Variants in ATRIP observed in about 807,000 individuals in gnomAD.
ATRIP encodes the protein ATR interacting protein.
Under a neutral mutation model 78.1 loss-of-function variants are expected in ATRIP, and 44 were observed. That is an observed-to-expected ratio of 0.56 (90% CI 0.44 to 0.72). The LOEUF is 0.72. Ranked by LOEUF, ATRIP falls within the 30% of genes least tolerant of loss-of-function variation. The pLI is 0.00. For missense variants in ATRIP, 927 were observed against 980.2 expected (o/e 0.95, Z 0.72); for synonymous variants, 388 against 408.9 (o/e 0.95, Z 0.62).
At chr3:48,447,388 C>G in intron 1 of ATRIP, 1 of 1,078,310 alleles carries the variant, frequency 9.3e-7, no homozygotes, top group Non-Finnish European at 1.1e-6. Flanking sequence ...CCTTGGAACA[C>G]ACCTACCACC....
At chr3:48,459,647 G>A (rs560531240) in intron 6 of ATRIP, 140 bp from the exon 7 acceptor site, 16 of 1,239,048 alleles carry the variant, frequency 1.3e-5, no homozygotes, top group East Asian at 4.6e-5. Context: ...AGAGCCTTCC[G>A]CACCCACAGG....
Position 48,465,773 on chromosome 3 carries a change from A to T in ATRIP, c.*219A>T. 1.9e-6 allele frequency: 1 copy of T among 525,264 alleles called. No individual in the cohort carries two copies. The highest frequency in any genetic ancestry group is 3.5e-6 in the Non-Finnish European group (1 of 289,158). The allele number at this position is 525,264 out of a possible 1,614,324, so 32.5% of individuals were successfully genotyped here. A position where few individuals can be genotyped will look rare whatever the true frequency, so the allele number is the denominator to read the frequency against. The stretch of plus-strand genomic sequence containing the variant: ...CCTGGCTGTTGCTGAGCCCGTCCCC[A>T]TGGTAACTGATCTGCCTTGAGGAAG... On this transcript the variant is annotated 3_prime_UTR_variant, in exon 13 of 13. Transcript: ENST00000320211.
intron 10 of ATRIP, 63 bp from the exon 11 acceptor site, chr3:48,464,519 G>A (rs1002379489): frequency 8.4e-6 from 13 of 1,544,364 alleles, no homozygotes; most frequent in Non-Finnish European, 1.2e-5. Context: ...AGAAGCTTAA[G>A]AAAACCCTCG....
At position 48,454,927 on chromosome 3, in the gene ATRIP, A is replaced by G. The variant is rs557073923; in HGVS notation, c.671+509A>G. On this transcript the variant is annotated intron_variant, in intron 4 of 12. Transcript: ENST00000320211. ...ACCCAGGCTGGAGTACAGTGGTACAATCTCGGCTCACTGCAACCTCCGCCT... is the reference window on the plus strand; with the variant it reads ...ACCCAGGCTGGAGTACAGTGGTACAGTCTCGGCTCACTGCAACCTCCGCCT... 2.6e-5 allele frequency among the ~76,000 whole-genome samples: 4 copies of G among 151,748 alleles called. No individual in the cohort carries two copies. The East Asian group carries it at 5.8e-4, about 22-fold the overall frequency.
chr3:48,446,805 T>G lies in ATRIP; in HGVS notation c.-41T>G, dbSNP rs748138008. 1.4e-5 allele frequency: 19 copies of G among 1,374,384 alleles called. No homozygotes were observed. The highest frequency in any genetic ancestry group is 2.9e-4 in the Middle Eastern group (1 of 3,488). The allele number at this position is 1,374,384 out of a possible 1,614,324, so 85.1% of individuals were successfully genotyped here. On this transcript the variant is annotated 5_prime_UTR_variant, in exon 1 of 13. Transcript: ENST00000320211. ...GTTCTCCGGCCTGGCGGCAGGCAAGTCTAGCTCGGCGCTGTCGGATACTTG... is the reference window on the plus strand; with the variant it reads ...GTTCTCCGGCCTGGCGGCAGGCAAGGCTAGCTCGGCGCTGTCGGATACTTG...
chr3:48,451,924 C>A (rs766688944), intron 3 of ATRIP, 25 bp downstream of exon 3: 2 of 1,568,152 alleles, frequency 1.3e-6, no homozygotes, highest in Non-Finnish European at 1.7e-6. Context: ...TTGTTTTGCA[C>A]CAGCTTTGCC....
intron 4 of ATRIP, among the ~76,000 whole-genome samples, chr3:48,456,595 C>G (rs1419851191): frequency 2.1e-5 from 3 of 142,300 alleles, no homozygotes; most frequent in Non-Finnish European, 3.1e-5. Flanking sequence ...GAGACCCTGT[C>G]TCACCAAAAA....
chr3:48,460,610 A>T lies in ATRIP; in HGVS notation c.1556A>T (p.Asp519Val), dbSNP rs1181968001. The part of the protein sequence containing the change: ...GNRSLVHRLS[D>V]GDMTSALRGV... ...AGGAGCCTGGTTCACAGGCTTAGTG[A>T]TGGAGATATGACCTCAGCCCTAAGG... Residue 519 changes from aspartate (D) to valine (V), a missense_variant, in exon 8 of 13, where the codon GAT becomes GTT. Transcript: ENST00000320211. 1.2e-6 allele frequency: 2 copies of T among 1,614,188 alleles called. No individual in the cohort carries two copies. Among genetic ancestry groups the T allele is most frequent in the East Asian group, 2.2e-5 (1 of 44,878 alleles).
intron 4 of ATRIP, among the ~76,000 whole-genome samples, chr3:48,455,987 G>A (rs1229398620): frequency 6.6e-6 from 1 of 152,052 alleles, no homozygotes; most frequent in East Asian, 2.0e-4. Context: ...TGGGCATGGT[G>A]GCATGCGCCT....
chr3:48,447,185 C>G, intron 1 of ATRIP, 93 bp downstream of exon 1: 3 of 1,324,800 alleles, frequency 2.3e-6, no homozygotes, highest in Non-Finnish European at 2.9e-6. Flanking sequence ...GCGGCCAGCA[C>G]TGCCTTTTCG....
In ATRIP at chr3:48,465,049, C is replaced by T. The variant is rs36041404; in HGVS notation, c.2274C>T (p.Leu758=). 2.6e-3 allele frequency: 4,274 copies of T among 1,613,116 alleles called. 97 individuals are homozygous for T. In the African/African-American group the frequency reaches 0.047, roughly 18 times the overall value. ...AGGTGATGCCGGGGGTCAGCATGCT[C>T]ATCCGAGGGCTTCCTGATGTGACGG... ...FDQVMPGVSM[L]IRGLPDVTDC... is the part of the protein sequence containing the mutation. The change falls in exon 12 of 13, where the codon CTC becomes CTT. Residue 758 remains leucine, a synonymous_variant. Transcript: ENST00000320211.
At chr3:48,453,410 C>T (rs2039881089) in intron 3 of ATRIP, among the ~76,000 whole-genome samples, 1 of 152,170 alleles carries the variant, frequency 6.6e-6, no homozygotes, top group Non-Finnish European at 1.5e-5. Flanking sequence ...AAGGAATTTG[C>T]GGTCAGACAA....
In ATRIP at chr3:48,460,366, G is replaced by T. The variant is rs775066454; in HGVS notation, c.1312G>T (p.Ala438Ser). The T allele has an allele frequency of 6.2e-7, 1 of 1,613,478 alleles. No homozygotes were observed. The highest frequency in any genetic ancestry group is 8.5e-7 in the Non-Finnish European group (1 of 1,179,672). ...ACACTGCCAGGCCCTGCAGGACTTG[G>T]CAGCTGCTAAGAGAAGCGGAGCACC... ...GLHCQALQDLAAAKRSGAPGD... is the reference protein window; with the variant it reads ...GLHCQALQDLSAAKRSGAPGD... The change falls in exon 8 of 13, where the codon GCA becomes TCA. Residue 438 changes from alanine (A) to serine (S), a missense_variant. Coordinates refer to ENST00000320211, the MANE Select transcript of ATRIP (RefSeq NM_130384.3).
Position 48,460,203 on chromosome 3 carries a change from C to G in ATRIP, c.1149C>G (p.Phe383Leu). The G allele has an allele frequency of 1.2e-6, 2 of 1,614,154 alleles. No individual in the cohort carries two copies. Among genetic ancestry groups the G allele is most frequent in the South Asian group, 2.2e-5 (2 of 91,084 alleles). The stretch of plus-strand genomic sequence containing the variant: ...TGAGAGAAGCACAGAACCTGGCATT[C>G]ACTGGACTGAATCTGGTTGCCCGGA... ...SALREAQNLAFTGLNLVARNE... is the reference protein window; with the variant it reads ...SALREAQNLALTGLNLVARNE... The change falls in exon 8 of 13, where the codon TTC becomes TTG. Residue 383 changes from phenylalanine to leucine, a missense_variant. Coordinates refer to ENST00000320211, the MANE Select transcript of ATRIP (RefSeq NM_130384.3).
Position 48,459,347 on chromosome 3 carries a change from A to G in ATRIP, c.830-12A>G. On this transcript the variant is annotated splice_polypyrimidine_tract_variant and intron_variant, in intron 5 of 12. Coordinates refer to ENST00000320211, the MANE Select transcript of ATRIP (RefSeq NM_130384.3). Reference sequence around the variant, plus strand: ...GGGCTCAAGTTTTGATTTACATTTTATCACATTTCAGATAGTAAGCCCCAC... The same window carrying G: ...GGGCTCAAGTTTTGATTTACATTTTGTCACATTTCAGATAGTAAGCCCCAC... 1 of 1,609,392 alleles carries G rather than the reference A, an allele frequency of 6.2e-7. No individual in the cohort carries two copies. The highest frequency in any genetic ancestry group is 1.1e-5 in the South Asian group (1 of 90,990).
chr3:48,446,945 G>A lies in ATRIP; in HGVS notation c.100G>A (p.Ala34Thr). 6.6e-7 allele frequency: 1 copy of A among 1,522,054 alleles called. No individual in the cohort carries two copies. Among genetic ancestry groups the A allele is most frequent in the South Asian group, 1.2e-5 (1 of 80,918 alleles). The allele number at this position is 1,522,054 out of a possible 1,614,324, so 94.3% of individuals were successfully genotyped here. A position where few individuals can be genotyped will look rare whatever the true frequency, so the allele number is the denominator to read the frequency against. Residue 34 changes from alanine to threonine, a missense_variant, in exon 1 of 13, where the codon GCC (alanine) becomes ACC (threonine). Coordinates refer to ENST00000320211, the MANE Select transcript of ATRIP (RefSeq NM_130384.3). ...PGTGHPPSKR[A>T]RGFSAAAAPD... ...CACCGGGCACCCCCCGAGCAAGCGG[G>A]CCCGGGGCTTCTCCGCAGCCGCTGC...
chr3:48,464,467 A>G lies in ATRIP; in HGVS notation c.1975-115A>G, dbSNP rs184836326. The G allele has an allele frequency of 2.9e-5, 35 of 1,208,106 alleles. No individual in the cohort carries two copies. In the Admixed American group the frequency reaches 4.4e-4, roughly 15 times the overall value. 74.8% of individuals were successfully genotyped at this position (1,208,106 alleles called of 1,614,324 possible). ...GGTCCCACACCACTTCTTGGACCCC[A>G]TTTGTGCAGACAAACAGTTGCTGAA... On this transcript the variant is annotated intron_variant, in intron 10 of 12. Coordinates refer to ENST00000320211, the MANE Select transcript of ATRIP (RefSeq NM_130384.3).
In ATRIP at chr3:48,460,103, T is replaced by C. The variant is rs1237468993; in HGVS notation, c.1056-7T>C. ...CTTAATCTATTTTTCTTTGTGTTTGTTGCCAGTACCTTGGCTGGAATGTCA... is the reference window on the plus strand; with the variant it reads ...CTTAATCTATTTTTCTTTGTGTTTGCTGCCAGTACCTTGGCTGGAATGTCA... On this transcript the variant is annotated splice_region_variant and splice_polypyrimidine_tract_variant and intron_variant, in intron 7 of 12. Transcript: ENST00000320211. 2 of 1,602,976 alleles carry C rather than the reference T, an allele frequency of 1.2e-6. No individual in the cohort carries two copies. The highest frequency in any genetic ancestry group is 1.3e-5 in the African/African-American group (1 of 74,570).
At chr3:48,457,075 A>C (rs906470770) in intron 4 of ATRIP, among the ~76,000 whole-genome samples, 184 bp from the exon 5 acceptor site, 1 of 152,206 alleles carries the variant, frequency 6.6e-6, no homozygotes, top group South Asian at 2.1e-4. Context: ...TTTAAAAAGA[A>C]AAACAAATGC....
Sources: allele counts gnomAD v4.1 joint callset (sites outside exome capture counted in the v4.1 genomes callset), GRCh38; gene constraint gnomAD v4.1.1; transcripts MANE v1.5; gene names NCBI Gene and HGNC (gene_info 2026-07-23, HGNC 2026-07-21).